Variants in MYO10 observed in about 807,000 individuals in gnomAD.
MYO10 encodes unconventional myosin-X.
In MYO10, 133 loss-of-function variants were observed where a neutral mutation model predicts 257.3. The observed-to-expected ratio is 0.52, with a 90% CI of 0.45 to 0.60. The LOEUF is 0.60. Among genes scored for constraint, MYO10 ranks in the 20% least tolerant of loss-of-function variants. The probability of loss-of-function intolerance (pLI) is 0.00; values close to 1 mark genes in which losing one functional copy is unlikely to be tolerated. For synonymous variants in MYO10, 1,104 were observed against 1,028.6 expected (o/e 1.07, Z -1.40); for missense variants, 2,399 against 2,635.7 (o/e 0.91, Z 1.97).
At chr5:16,792,186 GAC>G (rs1457091651) in intron 4 of MYO10, among the ~76,000 whole-genome samples, 1 of 151,234 alleles carries the variant, frequency 6.6e-6, no homozygotes. Flanking sequence ...GACAGACAGA[GAC>G]AGAGACAGAA....
At chr5:16,766,506 T>C (rs1740872954) in intron 10 of MYO10, among the ~76,000 whole-genome samples, 2 of 152,002 alleles carry the variant, frequency 1.3e-5, no homozygotes, top group Non-Finnish European at 2.9e-5. Flanking sequence ...CTCGGTTCAC[T>C]GCAAGTTCTG....
At chr5:16,729,786 T>C (rs1739512927) in intron 19 of MYO10, among the ~76,000 whole-genome samples, 1 of 152,128 alleles carries the variant, frequency 6.6e-6, no homozygotes, top group Admixed American at 6.6e-5. Context: ...AACGCTTTGC[T>C]AAAAGAACTC....
At chr5:16,814,923 G>A (rs1283103566) in intron 3 of MYO10, 1 of 152,138 alleles carries the variant, frequency 6.6e-6, no homozygotes, top group African/African-American at 2.4e-5. Flanking sequence ...ATCATGAAAA[G>A]AGGAAAATAA....
At chr5:16,796,942 A>G (rs1741990015) in intron 3 of MYO10, among the ~76,000 whole-genome samples, 1 of 151,992 alleles carries the variant, frequency 6.6e-6, no homozygotes, top group Non-Finnish European at 1.5e-5. Context: ...AACACACAAA[A>G]AGACACCAGG....
At chr5:16,928,290 A>G (rs1340036566) in intron 1 of MYO10, among the ~76,000 whole-genome samples, 1 of 151,936 alleles carries the variant, frequency 6.6e-6, no homozygotes, top group South Asian at 2.1e-4. Flanking sequence ...CACCTCCCGG[A>G]TTCAACCGAT....
rs778544525 is a variant in MYO10 at position 16,827,842 on chromosome 5, A to G, written c.121-9675T>C. On this transcript the variant is annotated intron_variant, in intron 2 of 40. Coordinates refer to ENST00000513610, the MANE Select transcript of MYO10 (RefSeq NM_012334.3). ...GACATTGCTAATGTTACCTCATTTG[A>G]TCCTCAGATGGGGAGGTAATACTGA... 2.6e-5 allele frequency among the ~76,000 whole-genome samples: 4 copies of G among 152,270 alleles called. No individual in the cohort carries two copies. The South Asian group carries it at 8.3e-4, about 32-fold the overall frequency.
At chr5:16,668,511 T>G in intron 39 of MYO10, 43 bp from the exon 40 acceptor site, 2 of 1,514,778 alleles carry the variant, frequency 1.3e-6, no homozygotes, top group Non-Finnish European at 1.8e-6. Context: ...CATGAAGTGG[T>G]TGGCAACAGA....
At chr5:16,802,644 G>A (rs1364245564) in intron 3 of MYO10, among the ~76,000 whole-genome samples, 12 of 130,464 alleles carry the variant, frequency 9.2e-5, no homozygotes, top group East Asian at 6.9e-4. Context: ...GGGACAGAGC[G>A]AGACTGTCTC....
intron 2 of MYO10, among the ~76,000 whole-genome samples, chr5:16,870,493 A>G (rs1744422419): frequency 1.3e-5 from 2 of 151,748 alleles, no homozygotes; most frequent in South Asian, 2.1e-4. Flanking sequence ...TCTGCATTTT[A>G]ACAAGATCCA....
At chr5:16,763,787 TA>T in intron 12 of MYO10, 32 bp from the exon 13 acceptor site, 2 of 1,267,960 alleles carry the variant, frequency 1.6e-6, no homozygotes, top group South Asian at 2.5e-5. Flanking sequence ...TAAGTATCTT[TA>T]GTGTACTCAC....
At chr5:16,818,390 G>GTATA (rs1561000786) in intron 2 of MYO10, among the ~76,000 whole-genome samples, 18 of 94,030 alleles carry the variant, frequency 1.9e-4, no homozygotes, top group African/African-American at 9.2e-4. Context: ...GCGTGTGTGT[G>GTATA]TGTGTGTGTG....
intron 1 of MYO10, among the ~76,000 whole-genome samples, chr5:16,894,034 T>C (rs1745152356): frequency 7.1e-6 from 1 of 141,708 alleles, no homozygotes; most frequent in Admixed American, 6.8e-5. Flanking sequence ...TTTTAGATTT[T>C]CCAGACAAGT....
At chr5:16,783,719 A>T (rs935894518) in intron 4 of MYO10, among the ~76,000 whole-genome samples, 2 of 152,188 alleles carry the variant, frequency 1.3e-5, no homozygotes, top group Non-Finnish European at 2.9e-5. Context: ...TTTCCTAAGG[A>T]AAGGTCATAA....
At chr5:16,699,309 G>A (rs1176733627) in intron 26 of MYO10, 141 bp downstream of exon 26, 2 of 1,130,152 alleles carry the variant, frequency 1.8e-6, no homozygotes, top group East Asian at 5.2e-5. Context: ...GGTAAGGGTA[G>A]GTAGAACGAC....
At chr5:16,868,662 A>C (rs996302050) in intron 2 of MYO10, among the ~76,000 whole-genome samples, 1 of 152,170 alleles carries the variant, frequency 6.6e-6, no homozygotes, top group Non-Finnish European at 1.5e-5. Context: ...TGGTCCAAGA[A>C]GACAACTGAT....
At chr5:16,723,276 T>TAC (rs1250230276) in intron 19 of MYO10, among the ~76,000 whole-genome samples, 4 of 151,732 alleles carry the variant, frequency 2.6e-5, no homozygotes, top group Non-Finnish European at 5.9e-5. Flanking sequence ...TAGTTCCAGC[T>TAC]ACTGGGGAGG....
intron 2 of MYO10, among the ~76,000 whole-genome samples, chr5:16,852,536 T>A (rs1488742816): frequency 6.6e-6 from 1 of 151,902 alleles, no homozygotes; most frequent in Non-Finnish European, 1.5e-5. Flanking sequence ...TTTTGTGAAT[T>A]CCTGTCATGA....
intron 3 of MYO10, among the ~76,000 whole-genome samples, chr5:16,796,247 G>A (rs1261344509): frequency 6.8e-5 from 2 of 29,626 alleles, no homozygotes; most frequent in Admixed American, 3.7e-4. Context: ...GCGAGCGTGC[G>A]AGAGAGAGAG....
At chr5:16,803,923 ACTCATTTGCTCTTCC>A (rs1236225919) in intron 3 of MYO10, among the ~76,000 whole-genome samples, 2 of 151,982 alleles carry the variant, frequency 1.3e-5, no homozygotes, top group Admixed American at 1.3e-4. Flanking sequence ...TCGCACACCC[ACTCATTTGCTCTTCC>A]ATAACCCTGT....
Sources: gnomAD v4.1 joint callset for allele counts (sites outside exome capture counted in the v4.1 genomes callset) on GRCh38, gnomAD v4.1.1 for gene constraint, MANE v1.5 for transcripts, NCBI Gene and HGNC (gene_info 2026-07-23, HGNC 2026-07-21) for gene names.